ARL15: variants seen among roughly 807,000 people sequenced by gnomAD.
ARL15 encodes the protein ARF like GTPase 15, also known as ADP-ribosylation factor-like protein 15.
Under a neutral mutation model 25.2 loss-of-function variants are expected in ARL15, and 19 were observed. The observed-to-expected ratio is 0.75, with a 90% confidence interval of 0.53 to 1.10. The LOEUF is 1.10. Among genes scored for constraint, ARL15 ranks in the 50% least tolerant of loss-of-function variants. The probability of loss-of-function intolerance (pLI) is 0.00; values close to 1 mark genes in which losing one functional copy is unlikely to be tolerated. For synonymous variants in ARL15, 94 were observed against 86.8 expected (o/e 1.08, Z -0.46); for missense variants, 220 against 246.0 (o/e 0.89, Z 0.71).
intron 4 of ARL15, among the ~76,000 whole-genome samples, chr5:54,088,133 G>A (rs772891148): frequency 2.2e-4 from 34 of 152,256 alleles, no homozygotes; most frequent in Middle Eastern, 6.8e-3. Context: ...ACTGTTTCCA[G>A]AAAGCATATG....
intron 2 of ARL15, among the ~76,000 whole-genome samples, chr5:54,157,946 C>CA (rs1406709700): frequency 6.6e-6 from 1 of 152,046 alleles, no homozygotes; most frequent in Non-Finnish European, 1.5e-5. Context: ...AGAAGAGAAA[C>CA]AATGTTTTTT....
In ARL15 at chr5:53,911,786, T is replaced by C. The variant is rs1745472957; in HGVS notation, c.463-25073A>G. Among the ~76,000 whole-genome samples the C allele has an allele frequency of 2.0e-5, 3 of 152,310 alleles. 1 individual carries two copies. In the South Asian group the frequency reaches 6.2e-4, roughly 32 times the overall value. ...ACATATGAGTGAGAACATATGGTCATCTGGCATTTTTAATGCCACACGATC... is the reference window on the plus strand; with the variant it reads ...ACATATGAGTGAGAACATATGGTCACCTGGCATTTTTAATGCCACACGATC... On this transcript the variant is annotated intron_variant, in intron 4 of 4. Coordinates refer to ENST00000504924, the MANE Select transcript of ARL15 (RefSeq NM_019087.3).
At chr5:53,983,043 T>A (rs776341943) in intron 4 of ARL15, among the ~76,000 whole-genome samples, 10 of 152,232 alleles carry the variant, frequency 6.6e-5, no homozygotes, top group South Asian at 6.2e-4. Flanking sequence ...TATTTTTTTC[T>A]TGTAAACTGC....
At chr5:54,227,959 T>C (rs1756570668) in intron 1 of ARL15, among the ~76,000 whole-genome samples, 1 of 152,068 alleles carries the variant, frequency 6.6e-6, no homozygotes, top group Admixed American at 6.5e-5. Context: ...AAGCAGGAGA[T>C]AAGAGGATGG....
intron 2 of ARL15, among the ~76,000 whole-genome samples, chr5:54,159,375 T>C (rs899954191): frequency 6.6e-6 from 1 of 152,160 alleles, no homozygotes; most frequent in African/African-American, 2.4e-5. Flanking sequence ...GGTGTCAGTG[T>C]GCTAACGTGA....
At chr5:53,990,284 T>G (rs1451136332) in intron 4 of ARL15, among the ~76,000 whole-genome samples, 1 of 152,096 alleles carries the variant, frequency 6.6e-6, no homozygotes, top group African/African-American at 2.4e-5. Context: ...AAAGACAATA[T>G]GTAAAACCCA....
At position 54,071,205 on chromosome 5, in the gene ARL15, A is replaced by G. The variant is rs371927545; in HGVS notation, c.462+41997T>C. 5.1e-4 allele frequency among the ~76,000 whole-genome samples: 77 copies of G among 152,282 alleles called. 2 individuals carry two copies. The South Asian group carries it at 0.016, about 31-fold the overall frequency. ...AAAGAAATACATTTCTTTTGTTTAT[A>G]AATTACCCAGTCTCAGGTATTCAAT... On this transcript the variant is annotated intron_variant, in intron 4 of 4. Transcript: ENST00000504924.
chr5:53,907,485 T>C (rs1159504874), intron 4 of ARL15, among the ~76,000 whole-genome samples: 1 of 32,462 alleles, frequency 3.1e-5, no homozygotes, highest in African/African-American at 1.5e-4. Context: ...TATATATATA[T>C]ATATTTTTTT....
intron 4 of ARL15, among the ~76,000 whole-genome samples, chr5:53,931,685 A>C (rs1025602280): frequency 6.6e-6 from 1 of 152,220 alleles, no homozygotes; most frequent in Admixed American, 6.5e-5. Context: ...CTTTTCCTAC[A>C]TAGTACATTG....
intron 3 of ARL15, among the ~76,000 whole-genome samples, chr5:54,134,620 C>T (rs1190801162): frequency 9.2e-6 from 1 of 109,040 alleles, no homozygotes; most frequent in Non-Finnish European, 1.7e-5. Context: ...GAGTCTTGCT[C>T]TCTCGCCAGG....
chr5:54,240,219 T>A (rs1170305066), intron 1 of ARL15, among the ~76,000 whole-genome samples: 1 of 131,034 alleles, frequency 7.6e-6, no homozygotes, highest in Non-Finnish European at 1.6e-5. Flanking sequence ...AGAGCGAGAC[T>A]CCATCTCAAA....
intron 1 of ARL15, among the ~76,000 whole-genome samples, chr5:54,180,179 A>G (rs545254620): frequency 2.0e-5 from 3 of 152,316 alleles, no homozygotes; most frequent in African/African-American, 7.2e-5. Context: ...ATCTCAATAA[A>G]GTAAAATAAA....
intron 4 of ARL15, among the ~76,000 whole-genome samples, chr5:54,022,940 A>G (rs774057941): frequency 6.6e-6 from 1 of 152,160 alleles, no homozygotes; most frequent in African/African-American, 2.4e-5. Context: ...GTGGTTCTCA[A>G]TGTTCTCAAA....
intron 4 of ARL15, among the ~76,000 whole-genome samples, chr5:53,920,306 T>C (rs1745804728): frequency 6.6e-6 from 1 of 152,180 alleles, no homozygotes. Flanking sequence ...TCCCACACTA[T>C]GTTTTTCATT....
chr5:53,900,591 G>A (rs1745035507), intron 4 of ARL15, among the ~76,000 whole-genome samples: 1 of 151,674 alleles, frequency 6.6e-6, no homozygotes, highest in African/African-American at 2.4e-5. Flanking sequence ...AATATAATGT[G>A]AGACACAAAG....
intron 1 of ARL15, chr5:54,307,872 T>C (rs2112727434): frequency 6.6e-6 from 1 of 152,310 alleles, no homozygotes; most frequent in South Asian, 2.1e-4. Flanking sequence ...TGTCAGTGCA[T>C]GGAAAGGGAA....
chr5:54,084,342 A>C (rs1751890241), intron 4 of ARL15, among the ~76,000 whole-genome samples: 1 of 150,904 alleles, frequency 6.6e-6, no homozygotes. Flanking sequence ...TCTTGGGCTC[A>C]TCTAGTCTTA....
At chr5:54,165,753 T>TATATATAA (rs1213106045) in intron 2 of ARL15, among the ~76,000 whole-genome samples, 7 of 150,668 alleles carry the variant, frequency 4.6e-5, no homozygotes. Context: ...TATATATATA[T>TATATATAA]AAATAGAGAC....
intron 1 of ARL15, among the ~76,000 whole-genome samples, chr5:54,220,721 T>C (rs1231561766): frequency 1.3e-5 from 2 of 152,132 alleles, no homozygotes; most frequent in East Asian, 3.9e-4. Flanking sequence ...CAATCCCATT[T>C]ATCTCTGAAA....
Sources: gnomAD v4.1 joint callset for allele counts (sites outside exome capture counted in the v4.1 genomes callset) on GRCh38, gnomAD v4.1.1 for gene constraint, MANE v1.5 for transcripts, NCBI Gene and HGNC (gene_info 2026-07-23, HGNC 2026-07-21) for gene names.